GBA2: variants seen among roughly 807,000 people sequenced by gnomAD.
The protein encoded by GBA2 is glucosylceramidase beta 2.
In GBA2, 79 loss-of-function variants were observed where a neutral mutation model predicts 112.9. The ratio of observed to expected loss-of-function variants is 0.70; its 90% CI spans 0.58 to 0.84. The LOEUF (loss-of-function observed/expected upper bound fraction) is 0.84, where lower values mean the gene tolerates loss of function less well. Among genes scored for constraint, GBA2 ranks in the 40% least tolerant of loss-of-function variants. The pLI is 0.00. For missense variants in GBA2, 1,043 were observed against 1,190.0 expected, an observed-to-expected ratio of 0.88 and a Z score of 1.82; for synonymous variants, 403 against 434.3, an observed-to-expected ratio of 0.93 and a Z score of 0.90.
At position 35,748,609 on chromosome 9, in the gene GBA2, T is replaced by C. The variant is rs1827124875; in HGVS notation, c.96A>G (p.Glu32=). 14 of 1,613,928 alleles carry C rather than the reference T, an allele frequency of 8.7e-6. No individual in the cohort carries two copies. The highest frequency in any genetic ancestry group is 1.2e-5 in the Non-Finnish European group (14 of 1,179,834). The part of the protein sequence containing the change: ...AKEDPQVYCP[E]ETGGTKDVQV... The stretch of plus-strand genomic sequence containing the variant: ...GCACATCCTTGGTGCCGCCAGTCTC[T>C]TCAGGGCAATAAACTTGTGGATCCT... The change falls in exon 1 of 17, where the codon GAA becomes GAG. Residue 32 remains glutamate, a synonymous_variant. Coordinates refer to ENST00000378103, the MANE Select transcript of GBA2 (RefSeq NM_020944.3).
rs1162703934 is a variant in GBA2 at position 35,737,806 on chromosome 9, T to G, written c.2447A>C (p.Gln816Pro). Residue 816 changes from glutamine to proline, a missense_variant, in exon 16 of 17, where the codon CAG becomes CCG. Transcript: ENST00000378103. The surrounding 1 kb of genome is among the most constrained non-coding windows in gnomAD (Gnocchi z 4.1). ...CACACCCACCCAGACTTCATCAGACTGCACACTGGATTTATCAGGGACACC... is the reference window on the plus strand; with the variant it reads ...CACACCCACCCAGACTTCATCAGACGGCACACTGGATTTATCAGGGACACC... ...PHGVPDKSSV[Q>P]SDEVWVGVVY... 2 of 1,613,892 alleles carry G rather than the reference T, an allele frequency of 1.2e-6. No individual in the cohort carries two copies. The highest frequency in any genetic ancestry group is 1.7e-6 in the Non-Finnish European group (2 of 1,179,978).
rs1348851165 is a variant in GBA2 at position 35,738,343 on chromosome 9, C to A, written c.2086G>T (p.Val696Leu). 3 of 1,614,134 alleles carry A rather than the reference C, an allele frequency of 1.9e-6. No homozygotes were observed. The highest frequency in any genetic ancestry group is 1.7e-6 in the Non-Finnish European group (2 of 1,179,988). The change falls in exon 14 of 17, where the codon GTG (valine) becomes TTG (leucine). Residue 696 changes from valine (V) to leucine (L), a missense_variant. By Grantham distance (32) the Val-to-Leu change is conservative. Coordinates refer to ENST00000378103, the MANE Select transcript of GBA2 (RefSeq NM_020944.3). ...GCAGCCATCTGGACCATCACAGCCA[C>A]AGCTGCCAGCCACAGCCCTCCACAG... ...AYCGGLWLAA[V>L]AVMVQMAALC... is the part of the protein sequence containing the mutation.
At chr9:35,744,146 C>G in intron 3 of GBA2, 151 bp downstream of exon 3, 1 of 646,506 alleles carries the variant, frequency 1.5e-6, no homozygotes, top group Non-Finnish European at 2.8e-6. Context: ...TATATCCTAG[C>G]TCAGGGCTGG....
At chr9:35,745,545 CTT>C (rs534174969) in intron 1 of GBA2, among the ~76,000 whole-genome samples, 68 of 132,772 alleles carry the variant, frequency 5.1e-4, no homozygotes, top group Non-Finnish European at 5.7e-4. Context: ...CCTCTCAAGC[CTT>C]TTTTTTTTTT....
At chr9:35,739,212 A>G in intron 10 of GBA2, 103 bp from the exon 11 acceptor site, 1 of 1,023,152 alleles carries the variant, frequency 9.8e-7, no homozygotes, top group East Asian at 2.4e-5. Context: ...CAGCATGCAG[A>G]TACGTATGAA....
rs1588008858 is a variant in GBA2 at position 35,739,243 on chromosome 9, A to G, written c.1687+72T>C. 19 of 1,121,862 alleles carry G rather than the reference A, an allele frequency of 1.7e-5. No individual in the cohort carries two copies. The East Asian group carries it at 4.5e-4, about 26-fold the overall frequency. The allele number at this position is 1,121,862 out of a possible 1,614,324, so 69.5% of individuals were successfully genotyped here. A position where few individuals can be genotyped will look rare whatever the true frequency, so the allele number is the denominator to read the frequency against. ...ATGAAGGGAAGGGAAAGAAGAGACAATCTGAGGGACCACAGAAGTTCGGGG... is the reference window on the plus strand; with the variant it reads ...ATGAAGGGAAGGGAAAGAAGAGACAGTCTGAGGGACCACAGAAGTTCGGGG... On this transcript the variant is annotated intron_variant, in intron 10 of 16. Coordinates refer to ENST00000378103, the MANE Select transcript of GBA2 (RefSeq NM_020944.3).
intron 3 of GBA2, chr9:35,743,309 G>A (rs1345479998): frequency 2.0e-5 from 3 of 153,774 alleles, no homozygotes; most frequent in African/African-American, 4.8e-5. Context: ...AAACCTCTCT[G>A]GATCTTAGTG....
chr9:35,748,557 C>G lies in GBA2; in HGVS notation c.148G>C (p.Asp50His). 6.2e-7 allele frequency: 1 copy of G among 1,614,200 alleles called. No homozygotes were observed. Among genetic ancestry groups the G allele is most frequent in the Non-Finnish European group, 8.5e-7 (1 of 1,180,028 alleles). The change falls in exon 1 of 17, where the codon GAC (aspartate) becomes CAC (histidine). Residue 50 changes from aspartate (D) to histidine (H), a missense_variant. Coordinates refer to ENST00000378103, the MANE Select transcript of GBA2 (RefSeq NM_020944.3). Reference protein sequence around the residue: ...VQVTDCKSPEDSRPPKETDCC... With the variant: ...VQVTDCKSPEHSRPPKETDCC... ...TCCGTCTCTTTTGGGGGTCGGCTGT[C>G]TTCGGGACTCTTACAGTCTGTAACC...
Position 35,741,517 on chromosome 9 carries a change from C to T in GBA2, c.786+155G>A. On this transcript the variant is annotated intron_variant, in intron 4 of 16. Transcript: ENST00000378103. The surrounding 1 kb of genome is among the most constrained non-coding windows in gnomAD (Gnocchi z 4.6). ...GGTTTCACGTGTTAGCCAGGATGGT[C>T]TCGATCTCCTGATCTCATGATCCGC... 2 of 684,032 alleles carry T rather than the reference C, an allele frequency of 2.9e-6. No individual in the cohort carries two copies. Among genetic ancestry groups the T allele is most frequent in the Admixed American group, 2.1e-5 (1 of 47,288 alleles). The allele number at this position is 684,032 out of a possible 1,614,324, so 42.4% of individuals were successfully genotyped here. A position where few individuals can be genotyped will look rare whatever the true frequency, so the allele number is the denominator to read the frequency against.
In GBA2 at chr9:35,741,489, T is replaced by C. The variant is rs978148101; in HGVS notation, c.786+183A>G. On this transcript the variant is annotated intron_variant, in intron 4 of 16. Coordinates refer to ENST00000378103, the MANE Select transcript of GBA2 (RefSeq NM_020944.3). This position sits in a 1 kb window ranked among gnomAD's most constrained non-coding sequence, Gnocchi z 4.6. ...TTTTTTTTTGTATTTTTAGTAGATA[T>C]GGGGTTTCACGTGTTAGCCAGGATG... The C allele has an allele frequency of 1.6e-5, 10 of 609,038 alleles. No homozygotes were observed. The highest frequency in any genetic ancestry group is 8.5e-5 in the Admixed American group (3 of 35,150). 37.7% of individuals were successfully genotyped at this position (609,038 alleles called of 1,614,324 possible). A position where few individuals can be genotyped will look rare whatever the true frequency, so the allele number is the denominator to read the frequency against.
chr9:35,743,534 A>G (rs1419234508), intron 3 of GBA2, among the ~76,000 whole-genome samples: 2 of 152,178 alleles, frequency 1.3e-5, no homozygotes, highest in Non-Finnish European at 2.9e-5. Context: ...GGGCTGGTAA[A>G]CGTGAACCAG....
At position 35,740,958 on chromosome 9, in the gene GBA2, C is replaced by T. The variant is rs1201653110; in HGVS notation, c.893G>A (p.Gly298Glu). The T allele has an allele frequency of 1.2e-6, 2 of 1,614,200 alleles. No homozygotes were observed. The highest frequency in any genetic ancestry group is 2.2e-5 in the East Asian group (1 of 44,888). ...CCACAAACCCCCTGGGGCATCGTCT[C>T]CACCACCCAGTCCATTCCGCATGGA... ...MFSMRNGLGG[G>E]DDAPGGLWNE... The change falls in exon 5 of 17, where the codon GGA becomes GAA. Residue 298 changes from glycine (G) to glutamate (E), a missense_variant. Physicochemically the swap from Gly to Glu is moderately conservative, Grantham distance 98. Transcript: ENST00000378103. This position sits in a 1 kb window ranked among gnomAD's most constrained non-coding sequence, Gnocchi z 4.7.
chr9:35,746,883 G>C lies in GBA2; in HGVS notation c.359+1463C>G, dbSNP rs751056049. 6.6e-6 allele frequency among the ~76,000 whole-genome samples: 1 copy of C among 152,166 alleles called. No homozygotes were observed. Among genetic ancestry groups the C allele is most frequent in the African/African-American group, 2.4e-5 (1 of 41,438 alleles). On this transcript the variant is annotated intron_variant, in intron 1 of 16. Transcript: ENST00000378103. This position sits in a 1 kb window ranked among gnomAD's most constrained non-coding sequence, Gnocchi z 5.2. The stretch of plus-strand genomic sequence containing the variant: ...GAATGAGTGGACTCTGGCTGGAAGG[G>C]AGAACAATTGAAATTGAGTTCTTAC...
In GBA2 at chr9:35,738,222, C is replaced by T; in HGVS notation, c.2197+10G>A. On this transcript the variant is annotated intron_variant, in intron 14 of 16. Transcript: ENST00000378103. ...GCTGCCTTAAGACTACTTAGGCTCC[C>T]CGAACTCACCATTCCACAGCAGTCT... 1 of 1,614,154 alleles carries T rather than the reference C, an allele frequency of 6.2e-7. No homozygotes were observed. The highest frequency in any genetic ancestry group is 8.5e-7 in the Non-Finnish European group (1 of 1,180,010).
intron 1 of GBA2, 56 bp from the exon 2 acceptor site, chr9:35,744,762 G>T: frequency 1.1e-6 from 1 of 910,562 alleles, no homozygotes; most frequent in Non-Finnish European, 1.8e-6. Flanking sequence ...CTGTTCACAG[G>T]CTGAGTCACC....
rs1246997929 is a variant in GBA2, at chr9:35,737,753, G to C, written c.2500C>G (p.Gln834Glu). The stretch of plus-strand genomic sequence containing the variant: ...TGGGAAAAGGAGTGCATTACCTCTT[G>C]GATCATGGTAGCTGCCAGCCCGTAG... Reference protein sequence around the residue: ...VVYGLAATMIQEGLTWEGFQT... With the variant: ...VVYGLAATMIEEGLTWEGFQT... The change falls in exon 16 of 17, where the codon CAA becomes GAA. Residue 834 changes from glutamine to glutamate, a missense_variant. Transcript: ENST00000378103. The surrounding 1 kb of genome is among the most constrained non-coding windows in gnomAD (Gnocchi z 4.1). 6.2e-7 allele frequency: 1 copy of C among 1,613,740 alleles called. No homozygotes were observed. The highest frequency in any genetic ancestry group is 1.7e-5 in the Admixed American group (1 of 60,022).
chr9:35,745,633 T>C (rs866304242), intron 1 of GBA2, among the ~76,000 whole-genome samples: 28 of 152,136 alleles, frequency 1.8e-4, no homozygotes, highest in South Asian at 2.1e-4. Context: ...ATCCCAACAT[T>C]TTCCTGGGCT....
Position 35,737,060 on chromosome 9 carries a change from G to C in GBA2, c.*109C>G. ...CACAATTGGGTGGAGAGAAGGGAAG[G>C]GGTATGATTGTCCTGATGGCTCAGG... On this transcript the variant is annotated 3_prime_UTR_variant, in exon 17 of 17. Transcript: ENST00000378103. This position sits in a 1 kb window ranked among gnomAD's most constrained non-coding sequence, Gnocchi z 4.1. 3 of 1,498,184 alleles carry C rather than the reference G, an allele frequency of 2.0e-6. No homozygotes were observed. The highest frequency in any genetic ancestry group is 2.7e-6 in the Non-Finnish European group (3 of 1,125,048). The allele number at this position is 1,498,184 out of a possible 1,614,324, so 92.8% of individuals were successfully genotyped here. A position where few individuals can be genotyped will look rare whatever the true frequency, so the allele number is the denominator to read the frequency against.
Position 35,744,602 on chromosome 9 carries a change from G to A in GBA2, c.451+13C>T. The A allele has an allele frequency of 1.3e-6, 2 of 1,521,906 alleles. No homozygotes were observed. The highest frequency in any genetic ancestry group is 1.8e-6 in the Non-Finnish European group (2 of 1,095,848). The allele number at this position is 1,521,906 out of a possible 1,614,324, so 94.3% of individuals were successfully genotyped here. ...GCCTTCTCTGAGCAGAGCAGAGATG[G>A]GGTGGGGCTCACCATAAATCTGTCT... On this transcript the variant is annotated intron_variant, in intron 2 of 16. Coordinates refer to ENST00000378103, the MANE Select transcript of GBA2 (RefSeq NM_020944.3).
Sources: allele counts gnomAD v4.1 joint callset (sites outside exome capture counted in the v4.1 genomes callset), GRCh38; gene constraint gnomAD v4.1.1; non-coding constraint Gnocchi (gnomAD v3.1); transcripts MANE v1.5; gene names NCBI Gene and HGNC (gene_info 2026-07-23, HGNC 2026-07-21).